Variants in USP26 observed in about 807,000 individuals in gnomAD.
USP26 encodes the protein ubiquitin carboxyl-terminal hydrolase 26.
For missense variants in USP26, 649 were observed against 642.3 expected, an observed-to-expected ratio of 1.01 and a Z score of -0.11; for synonymous variants, 236 against 240.6, an observed-to-expected ratio of 0.98 and a Z score of 0.18.
chrX:133,059,754 G>A (rs185885213), intron 5 of USP26, among the ~76,000 whole-genome samples: 45 of 111,248 alleles, frequency 4.0e-4, no homozygotes, highest in Non-Finnish European at 6.0e-4. Flanking sequence ...CTCCATAAAC[G>A]GGTTCAGGAC....
chrX:133,032,196 AAC>A (rs2067379689), intron 5 of USP26, among the ~76,000 whole-genome samples: 1 of 110,937 alleles, frequency 9.0e-6, no homozygotes, highest in Non-Finnish European at 1.9e-5. Context: ...CCAACCAACC[AAC>A]CAAACAAACA....
chrX:133,068,224 G>T (rs1325994946), intron 5 of USP26, among the ~76,000 whole-genome samples: 1 of 111,456 alleles, frequency 9.0e-6, no homozygotes, highest in African/African-American at 3.3e-5. Context: ...ACACAAAGAA[G>T]AGAACAATAG....
At chrX:133,063,374 G>A in intron 5 of USP26, among the ~76,000 whole-genome samples, 1 of 111,068 alleles carries the variant, frequency 9.0e-6, no homozygotes, top group Non-Finnish European at 1.9e-5. Context: ...AGGAAATACA[G>A]AGAACACCAC....
chrX:133,058,213 G>A (rs2067483138), intron 5 of USP26, among the ~76,000 whole-genome samples: 1 of 109,547 alleles, frequency 9.1e-6, no homozygotes, highest in Admixed American at 9.9e-5. Flanking sequence ...ACCAGAACCT[G>A]TTCTATAATG....
intron 5 of USP26, among the ~76,000 whole-genome samples, chrX:133,031,835 G>A (rs1433273800): frequency 8.9e-6 from 1 of 111,832 alleles, no homozygotes; most frequent in Non-Finnish European, 1.9e-5. Context: ...CCAGATGGTG[G>A]CAACTGCTAA....
intron 5 of USP26, among the ~76,000 whole-genome samples, chrX:133,074,618 T>C (rs771554473): frequency 8.9e-6 from 1 of 112,481 alleles, no homozygotes; most frequent in Non-Finnish European, 1.9e-5. Context: ...TGTGTACATG[T>C]ATGTGCATGC....
rs2067349307 is a variant in USP26 at position 133,026,392 on chromosome X, T to C, written c.1829A>G (p.Gln610Arg). 13 of 1,208,130 alleles carry C rather than the reference T, an allele frequency of 1.1e-5. No homozygotes were observed. Among genetic ancestry groups the C allele is most frequent in the Non-Finnish European group, 1.3e-5 (12 of 894,659 alleles). The change falls in exon 6 of 6, where the codon CAA becomes CGA. Residue 610 changes from glutamine (Q) to arginine (R), a missense_variant. Transcript: ENST00000511190. ...TTTAAAGACTGTCTGGCCTTTTTTT[T>C]GTTCAGACTCCTTATCTGATCCAAT... ...PHIGSDKESE[Q>R]KKGQTVFKGA...
chrX:133,057,867 T>TATATATATATA (rs1491099712), intron 5 of USP26, among the ~76,000 whole-genome samples: 11 of 8,239 alleles, frequency 1.3e-3, no homozygotes, highest in African/African-American at 1.7e-3. Context: ...TATATATATA[T>TATATATATATA]TTTTTTTTTT....
chrX:133,027,997 A>T lies in USP26; in HGVS notation c.224T>A (p.Leu75Ter), dbSNP rs2067361344. 12 of 1,209,873 alleles carry T rather than the reference A, an allele frequency of 9.9e-6. No individual in the cohort carries two copies. Among genetic ancestry groups the T allele is most frequent in the Non-Finnish European group, 1.3e-5 (12 of 895,028 alleles). Residue 75 changes from leucine to a stop codon, truncating the protein, a stop_gained, in exon 6 of 6, where the codon TTA becomes TAA. Transcript: ENST00000511190. LOFTEE classifies it low-confidence loss of function (END_TRUNC). ...AATAAACAAGCCATTATTATTTTGT[A>T]AAGTTAAATGCAGGTGATTTTGGTT... Reference protein sequence around the residue: ...RGNQNHLHLTLQNNNGLFIEG... With the variant: ...RGNQNHLHLT
chrX:133,096,829 A>G (rs2067632627), intron 1 of USP26, among the ~76,000 whole-genome samples: 1 of 111,975 alleles, frequency 8.9e-6, no homozygotes, highest in Non-Finnish European at 1.9e-5. Context: ...CAGGAGGCGG[A>G]GGTTGCAATG....
At chrX:133,077,878 T>C (rs1319861988) in intron 5 of USP26, among the ~76,000 whole-genome samples, 4 of 111,390 alleles carry the variant, frequency 3.6e-5, no homozygotes, top group Non-Finnish European at 5.6e-5. Flanking sequence ...GACCAGTAGT[T>C]CTAGACCAGG....
intron 5 of USP26, among the ~76,000 whole-genome samples, chrX:133,069,004 T>C (rs1417160366): frequency 1.8e-5 from 2 of 111,857 alleles, no homozygotes; most frequent in Non-Finnish European, 3.8e-5. Flanking sequence ...AAGTAACATG[T>C]CCTCTTCTTC....
intron 5 of USP26, among the ~76,000 whole-genome samples, chrX:133,068,026 A>G (rs966148872): frequency 8.9e-6 from 1 of 112,350 alleles, no homozygotes; most frequent in African/African-American, 3.2e-5. Context: ...GGTGGGCTGC[A>G]TAAAGAAAAT....
rs762734862 is a variant in USP26, at chrX:133,026,064, A to G, written c.2157T>C (p.Asp719=). The change falls in exon 6 of 6, where the codon GAT becomes GAC. Residue 719 remains aspartate (D), a synonymous_variant. Transcript: ENST00000511190. ...TTCTGATATTTTTATCTTCATACAAATCTTTAGTAGGATTGATAATCCTAT... is the reference window on the plus strand; with the variant it reads ...TTCTGATATTTTTATCTTCATACAAGTCTTTAGTAGGATTGATAATCCTAT... The part of the protein sequence containing the change: ...AFDRIINPTK[D]LYEDKNIRIP... 3.6e-5 allele frequency: 44 copies of G among 1,208,303 alleles called. No homozygotes were observed. Among genetic ancestry groups the G allele is most frequent in the Non-Finnish European group, 4.6e-5 (41 of 894,457 alleles).
rs201321285 is a variant in USP26, at chrX:133,025,991, C to T, written c.2230G>A (p.Gly744Ser). The change falls in exon 6 of 6, where the codon GGT becomes AGT. Residue 744 changes from glycine to serine, a missense_variant. Transcript: ENST00000511190. The stretch of plus-strand genomic sequence containing the variant: ...GGGGCTTGTTCACAGATTCTCATAC[C>T]GTCACACTGCTGAGTCTGTTCAGAC... ...KVSEQTQQCD[G>S]MRICEQAPQQ... is the part of the protein sequence containing the mutation. The T allele has an allele frequency of 1.7e-4, 206 of 1,208,323 alleles. 1 individual carries two copies. Among genetic ancestry groups the T allele is most frequent in the Non-Finnish European group, 2.1e-4 (188 of 894,180 alleles).
chrX:133,095,107 A>AG (rs1313305890), intron 1 of USP26, among the ~76,000 whole-genome samples: 1 of 103,046 alleles, frequency 9.7e-6, no homozygotes, highest in Non-Finnish European at 1.9e-5. Flanking sequence ...AAAAAAAAAA[A>AG]AAAAGAAAGA....
chrX:133,044,361 G>T (rs1008860363), intron 5 of USP26, among the ~76,000 whole-genome samples: 1 of 113,185 alleles, frequency 8.8e-6, no homozygotes, highest in Non-Finnish European at 1.9e-5. Flanking sequence ...CCCTCAGCTT[G>T]CAGGGAGGTG....
intron 5 of USP26, among the ~76,000 whole-genome samples, chrX:133,080,547 C>T (rs1353142792): frequency 9.0e-6 from 1 of 111,019 alleles, no homozygotes; most frequent in African/African-American, 3.3e-5. Flanking sequence ...AACACAACTC[C>T]CCAATTAAGT....
intron 4 of USP26, among the ~76,000 whole-genome samples, chrX:133,084,850 T>C (rs1219495719): frequency 9.0e-6 from 1 of 111,606 alleles, no homozygotes; most frequent in African/African-American, 3.3e-5. Flanking sequence ...TCCTAAGCAG[T>C]ATACACTGCA....
Sources: allele counts gnomAD v4.1 joint callset (sites outside exome capture counted in the v4.1 genomes callset), GRCh38; gene constraint gnomAD v4.1.1; transcripts MANE v1.5; gene names NCBI Gene and HGNC (gene_info 2026-07-23, HGNC 2026-07-21).